Variants in FGF1 observed in about 807,000 individuals in gnomAD.
The protein encoded by FGF1 is fibroblast growth factor 1, also known as beta-endothelial cell growth factor.
Under a neutral mutation model 13.4 loss-of-function variants are expected in FGF1, and 9 were observed. The observed-to-expected ratio is 0.67, with a 90% CI of 0.40 to 1.17. The LOEUF (loss-of-function observed/expected upper bound fraction) is 1.17. Ranked by LOEUF, FGF1 falls within the 50% of genes most tolerant of loss-of-function variation. FGF1 has a pLI of 0.01. For synonymous variants in FGF1, 93 were observed against 79.0 expected, an observed-to-expected ratio of 1.18 and a Z score of -0.94; for missense variants, 156 against 192.7, an observed-to-expected ratio of 0.81 and a Z score of 1.13.
intron 3 of FGF1, among the ~76,000 whole-genome samples, 195 bp from the exon 4 acceptor site, chr5:142,595,679 T>A (rs1755105898): frequency 6.6e-6 from 1 of 152,220 alleles, no homozygotes; most frequent in Admixed American, 6.6e-5. Flanking sequence ...CACCGGGCAC[T>A]AAAGAGCTGT....
chr5:142,639,751 G>A (rs1218732075), intron 1 of FGF1, among the ~76,000 whole-genome samples: 3 of 151,976 alleles, frequency 2.0e-5, no homozygotes, highest in African/African-American at 7.3e-5. Context: ...CGATAATGTT[G>A]CGAGGTGATG....
At chr5:142,657,199 G>A (rs1403018786) in intron 1 of FGF1, among the ~76,000 whole-genome samples, 1 of 152,172 alleles carries the variant, frequency 6.6e-6, no homozygotes, top group African/African-American at 2.4e-5. Context: ...TTACAGGTGT[G>A]AGCCACCGCA....
At chr5:142,651,930 C>T (rs765786294) in intron 1 of FGF1, among the ~76,000 whole-genome samples, 3 of 151,858 alleles carry the variant, frequency 2.0e-5, no homozygotes, top group East Asian at 3.9e-4. Flanking sequence ...AATAGGTGGC[C>T]TAATCTGAGA....
At chr5:142,659,891 C>T (rs17216923) in intron 1 of FGF1, among the ~76,000 whole-genome samples, 3 of 152,278 alleles carry the variant, frequency 2.0e-5, no homozygotes, top group Non-Finnish European at 2.9e-5. Flanking sequence ...TTTCTCTAGT[C>T]GAAGGGGAGA....
At chr5:142,694,423 A>G (rs1597494904) in intron 2 of FGF1, among the ~76,000 whole-genome samples, 1 of 152,364 alleles carries the variant, frequency 6.6e-6, no homozygotes, top group Admixed American at 6.5e-5. Context: ...ATGAAGCCAT[A>G]TGAATAGGCC....
chr5:142,644,640 G>T (rs533641219), intron 1 of FGF1, among the ~76,000 whole-genome samples: 1 of 152,272 alleles, frequency 6.6e-6, no homozygotes, highest in African/African-American at 2.4e-5. Context: ...TCTGGCTGTT[G>T]GTTTCCAAAA....
intron 1 of FGF1, among the ~76,000 whole-genome samples, chr5:142,664,943 G>C (rs184963834): frequency 6.6e-6 from 1 of 152,188 alleles, no homozygotes; most frequent in Admixed American, 6.5e-5. Context: ...GTAAAGTTAC[G>C]TAAGGTGCTT....
At chr5:142,630,177 C>T (rs1412844660) in intron 1 of FGF1, among the ~76,000 whole-genome samples, 1 of 152,080 alleles carries the variant, frequency 6.6e-6, no homozygotes, top group Non-Finnish European at 1.5e-5. Context: ...CAGGCGTGAG[C>T]CACCATGCCT....
At position 142,634,029 on chromosome 5, in the gene FGF1, C is replaced by CAA. The variant is rs35294166; in HGVS notation, c.-34-19870_-34-19869dup. 5.8e-3 allele frequency among the ~76,000 whole-genome samples: 835 copies of CAA among 144,120 alleles called. 5 individuals carry two copies. The highest frequency in any genetic ancestry group is 0.012 in the Admixed American group (174 of 14,550). 94.5% of individuals were successfully genotyped at this position (144,120 alleles called of 152,430 possible). On this transcript the variant is annotated intron_variant, in intron 1 of 3. Transcript: ENST00000337706. ...GAAACCCTGTCTCTACTAAAAATACCAAAAAAAAAAAAAAGTAGCTGGACG... is the reference window on the plus strand; with the variant it reads ...GAAACCCTGTCTCTACTAAAAATACCAAAAAAAAAAAAAAAAGTAGCTGGACG...
intron 1 of FGF1, among the ~76,000 whole-genome samples, chr5:142,641,290 C>T (rs921122405): frequency 5.9e-5 from 9 of 152,028 alleles, no homozygotes; most frequent in African/African-American, 2.2e-4. Context: ...ACTCTTGGTC[C>T]TTGTTTGATC....
chr5:142,632,704 G>C (rs925992972), intron 1 of FGF1, among the ~76,000 whole-genome samples: 2 of 152,114 alleles, frequency 1.3e-5, no homozygotes, highest in Non-Finnish European at 2.9e-5. Context: ...GCTCTTTTAT[G>C]ATCTGACTTT....
chr5:142,664,667 T>C (rs930322762), intron 1 of FGF1, among the ~76,000 whole-genome samples: 4 of 152,144 alleles, frequency 2.6e-5, no homozygotes, highest in African/African-American at 7.2e-5. Context: ...CAGTGGGGTG[T>C]TTTGTGATTG....
chr5:142,641,803 A>G (rs1765246509), intron 1 of FGF1, among the ~76,000 whole-genome samples: 1 of 151,836 alleles, frequency 6.6e-6, no homozygotes, highest in South Asian at 2.1e-4. Flanking sequence ...CGGTTTACAA[A>G]TGGAATACGT....
At chr5:142,651,494 CATT>C (rs1168438691) in intron 1 of FGF1, among the ~76,000 whole-genome samples, 2 of 152,170 alleles carry the variant, frequency 1.3e-5, no homozygotes, top group Admixed American at 6.5e-5. Context: ...TGTGACACAT[CATT>C]ATCACCCAGG....
intron 2 of FGF1, among the ~76,000 whole-genome samples, chr5:142,606,216 CTCTGTG>C (rs374429972): frequency 1.9e-4 from 14 of 73,510 alleles, no homozygotes; most frequent in African/African-American, 5.9e-4. Flanking sequence ...TTCTTTCTCT[CTCTGTG>C]TGTGTGTGTG....
At position 142,595,122 on chromosome 5, in the gene FGF1, AG is replaced by A; in HGVS notation, c.*167del. ...CTGTTCTAAACTGTGCAGGGGTAAA[AG>A]GCTCTGCAAAGAAGTGAACTGGGCA... On this transcript the variant is annotated 3_prime_UTR_variant, in exon 4 of 4. Transcript: ENST00000337706. The A allele has an allele frequency of 1.7e-6, 1 of 600,090 alleles. No individual in the cohort carries two copies. 37.2% of individuals were successfully genotyped at this position (600,090 alleles called of 1,614,324 possible). A position where few individuals can be genotyped will look rare whatever the true frequency, so the allele number is the denominator to read the frequency against.
chr5:142,603,711 C>G (rs1757065491), intron 2 of FGF1, among the ~76,000 whole-genome samples: 1 of 152,146 alleles, frequency 6.6e-6, no homozygotes, highest in South Asian at 2.1e-4. Context: ...TCCAATAACT[C>G]TCTGAGGGGG....
chr5:142,680,053 C>T (rs1487798429), intron 1 of FGF1: 1 of 152,228 alleles, frequency 6.6e-6, no homozygotes, highest in Non-Finnish European at 1.5e-5. Flanking sequence ...TATGTCCACT[C>T]ACTTTGTCTT....
At chr5:142,667,382 C>G (rs1005362270) in intron 1 of FGF1, among the ~76,000 whole-genome samples, 5 of 151,442 alleles carry the variant, frequency 3.3e-5, no homozygotes, top group Admixed American at 2.0e-4. Context: ...GTCAGGAGAT[C>G]GAGACCATCC....
Sources: allele counts gnomAD v4.1 joint callset (sites outside exome capture counted in the v4.1 genomes callset), GRCh38; gene constraint gnomAD v4.1.1; transcripts MANE v1.5; gene names NCBI Gene and HGNC (gene_info 2026-07-23, HGNC 2026-07-21).